HMGB1: variants seen among roughly 807,000 people sequenced by gnomAD.
HMGB1 encodes the protein high mobility group protein B1.
For missense variants in HMGB1, 79 were observed against 253.5 expected, an observed-to-expected ratio of 0.31 and a Z score of 4.67; for synonymous variants, 81 against 84.0, an observed-to-expected ratio of 0.96 and a Z score of 0.19.
Position 30,559,223 on chromosome 13 carries a change from C to G in HMGB1, c.-15+57448G>C, listed in dbSNP as rs4769849. Among the ~76,000 whole-genome samples the G allele has an allele frequency of 0.41, 62,900 of 151,874 alleles. 13,242 individuals carry two copies. The highest frequency in any genetic ancestry group is 0.51 in the Middle Eastern group (151 of 294). On this transcript the variant is annotated intron_variant, in intron 1 of 4. Coordinates refer to the HMGB1 transcript ENST00000405805. This position sits in a 1 kb window ranked among gnomAD's most constrained non-coding sequence, Gnocchi z 6.6. Reference sequence around the variant, plus strand: ...CCTTAGATCATTCCTTACCAAGGTACGTTAGGCACTGGCCTCACTCCAAGG... The same window carrying G: ...CCTTAGATCATTCCTTACCAAGGTAGGTTAGGCACTGGCCTCACTCCAAGG...
intron 1 of HMGB1, among the ~76,000 whole-genome samples, chr13:30,604,068 A>G (rs189487642): frequency 1.8e-4 from 28 of 152,226 alleles, no homozygotes; most frequent in African/African-American, 6.7e-4. Context: ...GATGAAAAAT[A>G]AAGCAGGGGA....
chr13:30,550,228 CATGT>C (rs1869360546), intron 1 of HMGB1, among the ~76,000 whole-genome samples: 1 of 152,072 alleles, frequency 6.6e-6, no homozygotes, highest in South Asian at 2.1e-4. Context: ...TTTAGGAAGT[CATGT>C]ATGTTCATTT....
At chr13:30,553,976 G>A in intron 1 of HMGB1, 1 of 1,488,014 alleles carries the variant, frequency 6.7e-7, no homozygotes. Context: ...TTACGGTTTG[G>A]CAGCAGAAGA....
intron 1 of HMGB1, among the ~76,000 whole-genome samples, chr13:30,538,510 CCTTTCTTTCTTTCCTTT>C (rs1868599251): frequency 1.2e-5 from 1 of 82,230 alleles, no homozygotes; most frequent in Non-Finnish European, 2.2e-5. Flanking sequence ...TTCTTTCTTT[CCTTTCTTTCTTTCCTTT>C]CTTTCTTTCC....
chr13:30,466,048 G>A (rs41477046), upstream of HMGB1: 9 of 659,104 alleles, frequency 1.4e-5, no homozygotes, highest in East Asian at 1.4e-4. Context: ...GGCTGTCTCC[G>A]GGGACACGTC....
chr13:30,538,501 T>TCTTTCTTTC (rs1392460835), intron 1 of HMGB1, among the ~76,000 whole-genome samples: 2 of 132,134 alleles, frequency 1.5e-5, no homozygotes, highest in East Asian at 2.0e-4. Context: ...TTTCTTTCTT[T>TCTTTCTTTC]CTTTCTTTCC....
intron 1 of HMGB1, among the ~76,000 whole-genome samples, chr13:30,514,566 C>A (rs1245528939): frequency 6.6e-6 from 1 of 152,032 alleles, no homozygotes; most frequent in African/African-American, 2.4e-5. Flanking sequence ...GACTGCAGCA[C>A]TGATTGTAGT....
chr13:30,544,809 G>A (rs1869071887), intron 1 of HMGB1, among the ~76,000 whole-genome samples: 1 of 151,970 alleles, frequency 6.6e-6, no homozygotes, highest in Non-Finnish European at 1.5e-5. Flanking sequence ...CAGAAGAATA[G>A]GTAATCACTT....
intron 1 of HMGB1, among the ~76,000 whole-genome samples, chr13:30,564,569 T>A (rs533150157): frequency 6.6e-6 from 1 of 152,352 alleles, no homozygotes; most frequent in South Asian, 2.1e-4. Context: ...TTAGAAGGTT[T>A]ATAATACCTA....
chr13:30,501,541 ATAT>A (rs1291404797), intron 1 of HMGB1, among the ~76,000 whole-genome samples: 2 of 148,506 alleles, frequency 1.3e-5, no homozygotes, highest in Non-Finnish European at 3.0e-5. Flanking sequence ...TAAAATCAAT[ATAT>A]TATTTTATAT....
In HMGB1 at chr13:30,559,962, T is replaced by C. The variant is rs1001486976; in HGVS notation, c.-15+56709A>G. 1.3e-5 allele frequency among the ~76,000 whole-genome samples: 2 copies of C among 152,172 alleles called. No individual in the cohort carries two copies. The highest frequency in any genetic ancestry group is 1.9e-4 in the East Asian group (1 of 5,196). ...GGATGATGCCTTCACATGACTCAGA[T>C]GTCACGTGTTTCTCACCATTGAGAC... On this transcript the variant is annotated intron_variant, in intron 1 of 4. Transcript: ENST00000405805. The surrounding 1 kb of genome is among the most constrained non-coding windows in gnomAD (Gnocchi z 6.6).
rs1037245607 is a variant in HMGB1 at position 30,464,425 on chromosome 13, G to T, written c.-14-731C>A. 1.0e-5 allele frequency: 10 copies of T among 985,330 alleles called. No individual in the cohort carries two copies. In the African/African-American group the frequency reaches 1.4e-4, roughly 14 times the overall value. 61.0% of individuals were successfully genotyped at this position (985,330 alleles called of 1,614,324 possible). A position where few individuals can be genotyped will look rare whatever the true frequency, so the allele number is the denominator to read the frequency against. On this transcript the variant is annotated intron_variant, in intron 1 of 4. Transcript: ENST00000341423. ...GTGGCCCCCTCCCCCAACTCGGGAA[G>T]TATTTTTTGGAGCCGTGAAAGTTGG...
chr13:30,548,217 T>C (rs1012300670), intron 1 of HMGB1, among the ~76,000 whole-genome samples: 7 of 152,118 alleles, frequency 4.6e-5, no homozygotes, highest in Middle Eastern at 3.2e-3. Flanking sequence ...ATGCTGTTCT[T>C]GTGATACTGA....
chr13:30,531,512 G>A (rs2137486597), intron 1 of HMGB1, among the ~76,000 whole-genome samples: 1 of 42,454 alleles, frequency 2.4e-5, no homozygotes, highest in Non-Finnish European at 5.2e-5. Flanking sequence ...ACATATACGT[G>A]TGTGTGTGTG....
At chr13:30,468,569 T>A (rs1886852007), upstream of HMGB1, among the ~76,000 whole-genome samples, 3 of 152,158 alleles carry the variant, frequency 2.0e-5, no homozygotes, top group South Asian at 2.1e-4. Context: ...TTGTTTTTTT[T>A]AAATCCTAAC....
intron 1 of HMGB1, chr13:30,464,250 G>A: frequency 1.0e-6 from 1 of 985,570 alleles, no homozygotes; most frequent in South Asian, 4.7e-5. Context: ...TCGGAACCCG[G>A]TTGGGGGGTG....
intron 1 of HMGB1, among the ~76,000 whole-genome samples, chr13:30,495,069 T>A (rs530497685): frequency 1.3e-5 from 2 of 152,354 alleles, no homozygotes; most frequent in East Asian, 3.9e-4. Context: ...TTTCTCCATT[T>A]ATCCATCGAC....
At chr13:30,471,957 C>G (rs547508351) in intron 1 of HMGB1, among the ~76,000 whole-genome samples, 1 of 151,658 alleles carries the variant, frequency 6.6e-6, no homozygotes, top group African/African-American at 2.4e-5. Context: ...CGTGAGCCAC[C>G]GCGGCTGGCC....
Position 30,457,058 on chromosome 13 carries a change from T to C in HMGB1, c.*4299A>G, listed in dbSNP as rs1209705962. 1 of 152,244 alleles carries C rather than the reference T, an allele frequency of 6.6e-6. No homozygotes were observed. Among genetic ancestry groups the C allele is most frequent in the East Asian group, 1.9e-4 (1 of 5,200 alleles). The allele number at this position is 152,244 out of a possible 1,614,324, so 9.4% of individuals were successfully genotyped here. ...GAATGTCACGTACATGACTGAATTA[T>C]GTGACTAAAGAGAACAATGAATATG... On this transcript the variant is annotated 3_prime_UTR_variant, in exon 5 of 5. Coordinates refer to ENST00000341423, the MANE Select transcript of HMGB1 (RefSeq NM_002128.7).
Sources: allele counts gnomAD v4.1 joint callset (sites outside exome capture counted in the v4.1 genomes callset), GRCh38; gene constraint gnomAD v4.1.1; non-coding constraint Gnocchi (gnomAD v3.1); transcripts MANE v1.5; gene names NCBI Gene and HGNC (gene_info 2026-07-23, HGNC 2026-07-21).